The following LRBA variants were observed in gnomAD, a reference collection of about 807,000 sequenced individuals.
LRBA encodes lipopolysaccharide-responsive and beige-like anchor protein.
LRBA carries 176 observed loss-of-function variants against 330.0 expected under a neutral mutation model. That is an observed-to-expected ratio of 0.53 (90% CI 0.47 to 0.60). LRBA has a LOEUF of 0.60. Among genes scored for constraint, LRBA ranks in the 20% least tolerant of loss-of-function variants. The pLI is 0.00. For missense variants in LRBA, 3,259 were observed against 3,444.8 expected, an observed-to-expected ratio of 0.95 and a Z score of 1.35; for synonymous variants, 1,230 against 1,193.0, an observed-to-expected ratio of 1.03 and a Z score of -0.64.
At chr4:151,003,395 TCA>T (rs1561118500) in intron 2 of LRBA, among the ~76,000 whole-genome samples, 1 of 35,298 alleles carries the variant, frequency 2.8e-5, no homozygotes. Context: ...AGATTCGGTT[TCA>T]AAAAAAAAAA....
chr4:150,985,531 C>A (rs972394567), intron 2 of LRBA, among the ~76,000 whole-genome samples: 13 of 150,050 alleles, frequency 8.7e-5, no homozygotes, highest in African/African-American at 3.2e-4. Context: ...TGGAGTCTCG[C>A]TCTATTGCCC....
chr4:150,934,946 T>A (rs1734926008), intron 2 of LRBA, among the ~76,000 whole-genome samples: 1 of 149,390 alleles, frequency 6.7e-6, no homozygotes, highest in Admixed American at 6.8e-5. Context: ...AGGTGGAGGA[T>A]GCGGTGAGCC....
At chr4:150,711,177 C>T (rs1786159236) in intron 36 of LRBA, among the ~76,000 whole-genome samples, 1 of 151,660 alleles carries the variant, frequency 6.6e-6, no homozygotes, top group Non-Finnish European at 1.5e-5. Context: ...TTAAAAATCA[C>T]AGGTTTCAGG....
At chr4:150,796,048 G>A (rs988084978) in intron 34 of LRBA, among the ~76,000 whole-genome samples, 3 of 151,744 alleles carry the variant, frequency 2.0e-5, no homozygotes, top group African/African-American at 7.3e-5. Flanking sequence ...CTGATCTTTC[G>A]ATCTTTGGCA....
chr4:150,650,468 T>C (rs985964543), intron 37 of LRBA, among the ~76,000 whole-genome samples: 12 of 152,052 alleles, frequency 7.9e-5, no homozygotes, highest in African/African-American at 2.7e-4. Flanking sequence ...ACAATGAAAG[T>C]AGTATATAAT....
intron 2 of LRBA, among the ~76,000 whole-genome samples, chr4:151,000,597 A>G (rs1743218306): frequency 6.6e-6 from 1 of 152,242 alleles, no homozygotes; most frequent in Non-Finnish European, 1.5e-5. Flanking sequence ...TACGTAGAGC[A>G]TGGATACGCT....
intron 40 of LRBA, among the ~76,000 whole-genome samples, chr4:150,538,676 T>G (rs1387289643): frequency 6.6e-6 from 1 of 151,920 alleles, no homozygotes; most frequent in East Asian, 1.9e-4. Flanking sequence ...TGAAAAACTA[T>G]CTACTGGCCA....
intron 28 of LRBA, among the ~76,000 whole-genome samples, chr4:150,836,066 T>C (rs1293221628): frequency 6.6e-6 from 1 of 152,208 alleles, no homozygotes; most frequent in East Asian, 1.9e-4. Context: ...AATCACGTAG[T>C]TTTTGTCGTT....
In LRBA at chr4:150,868,257, G is replaced by C; in HGVS notation, c.2498C>G (p.Pro833Arg). The stretch of plus-strand genomic sequence containing the variant: ...GGCTCTGCGAACCTCCATGCTCTCT[G>C]GGCACTGGGGAGAATTTCGAAGTAG... ...ATLLRNSPQC[P>R]ESMEVRRAFL... Residue 833 changes from proline to arginine, a missense_variant, in exon 21 of 57, where the codon CCA becomes CGA. Coordinates refer to ENST00000651943, the MANE Select transcript of LRBA (RefSeq NM_001364905.1). 6.2e-7 allele frequency: 1 copy of C among 1,611,814 alleles called. No homozygotes were observed. The highest frequency in any genetic ancestry group is 8.5e-7 in the Non-Finnish European group (1 of 1,178,348).
chr4:150,855,462 GATTTT>G (rs1751111549), intron 22 of LRBA, among the ~76,000 whole-genome samples: 1 of 152,038 alleles, frequency 6.6e-6, no homozygotes, highest in African/African-American at 2.4e-5. Flanking sequence ...CATTTGCTTT[GATTTT>G]ATTTATATTA....
At chr4:150,658,107 T>C (rs777984336) in intron 37 of LRBA, among the ~76,000 whole-genome samples, 1 of 152,060 alleles carries the variant, frequency 6.6e-6, no homozygotes, top group Non-Finnish European at 1.5e-5. Context: ...AGATAGCCTT[T>C]GACTAACTAC....
chr4:150,710,294 T>G (rs375887167), intron 36 of LRBA, among the ~76,000 whole-genome samples: 1 of 152,060 alleles, frequency 6.6e-6, no homozygotes, highest in African/African-American at 2.4e-5. Context: ...GAAGTGATAT[T>G]TCTCAGATGG....
chr4:150,855,033 A>T (rs1751061787), intron 22 of LRBA, among the ~76,000 whole-genome samples: 1 of 152,164 alleles, frequency 6.6e-6, no homozygotes, highest in East Asian at 1.9e-4. Context: ...CAAGGTGGGC[A>T]GATCACCTGA....
In LRBA at chr4:150,437,507, C is replaced by CTA. The variant is rs970503405; in HGVS notation, c.6781-645_6781-644dup. The stretch of plus-strand genomic sequence containing the variant: ...GCCGGCATGAACTCTCTCTCTCTCT[C>CTA]TATATATATATATTATAAAATTAAA... On this transcript the variant is annotated intron_variant, in intron 44 of 56. Transcript: ENST00000651943. 4.4e-4 allele frequency among the ~76,000 whole-genome samples: 61 copies of CTA among 137,514 alleles called. 1 individual carries two copies. Among genetic ancestry groups the CTA allele is most frequent in the South Asian group, 4.0e-3 (18 of 4,478 alleles). The allele number at this position is 137,514 out of a possible 152,430, so 90.2% of individuals were successfully genotyped here. A position where few individuals can be genotyped will look rare whatever the true frequency, so the allele number is the denominator to read the frequency against.
chr4:150,904,914 A>G (rs1731156980), intron 13 of LRBA, among the ~76,000 whole-genome samples: 1 of 152,170 alleles, frequency 6.6e-6, no homozygotes, highest in South Asian at 2.1e-4. Context: ...TGCTATTCCA[A>G]CTTAAACAAT....
intron 2 of LRBA, among the ~76,000 whole-genome samples, chr4:151,001,992 T>A (rs1743400848): frequency 6.6e-6 from 1 of 151,542 alleles, no homozygotes; most frequent in African/African-American, 2.4e-5. Context: ...CCACTGACAC[T>A]GTTTATACCT....
chr4:150,849,334 T>C lies in LRBA; in HGVS notation c.4158+88A>G, dbSNP rs1750308370. 17 of 1,172,560 alleles carry C rather than the reference T, an allele frequency of 1.4e-5. No individual in the cohort carries two copies. In the East Asian group the frequency reaches 1.9e-4, roughly 13 times the overall value. The allele number at this position is 1,172,560 out of a possible 1,614,324, so 72.6% of individuals were successfully genotyped here. On this transcript the variant is annotated intron_variant, in intron 25 of 56. Transcript: ENST00000651943. The stretch of plus-strand genomic sequence containing the variant: ...TTTTATTTATAGCACCTACGATGCA[T>C]AGTAACCACCACATTTAAGTTTTAG...
At chr4:150,420,321 G>GTATAAAGTATATATAATA (rs1748478885) in intron 46 of LRBA, among the ~76,000 whole-genome samples, 1 of 122,770 alleles carries the variant, frequency 8.1e-6, no homozygotes, top group African/African-American at 3.7e-5. Context: ...TATATATAAT[G>GTATAAAGTATATATAATA]CACATTATAG....
At chr4:150,530,241 A>G (rs886148214) in intron 40 of LRBA, among the ~76,000 whole-genome samples, 1 of 152,174 alleles carries the variant, frequency 6.6e-6, no homozygotes, top group Non-Finnish European at 1.5e-5. Context: ...AAGATACAAA[A>G]GTGCTAAGGA....
Sources: gnomAD v4.1 joint callset for allele counts (sites outside exome capture counted in the v4.1 genomes callset) on GRCh38, gnomAD v4.1.1 for gene constraint, MANE v1.5 for transcripts, NCBI Gene and HGNC (gene_info 2026-07-23, HGNC 2026-07-21) for gene names.